Variants in ANKRD12 observed in about 807,000 individuals in gnomAD.
ANKRD12 encodes the protein ankyrin repeat domain 12.
Under a neutral mutation model 183.4 loss-of-function variants are expected in ANKRD12, and 85 were observed. That is an observed-to-expected ratio of 0.46 (90% CI 0.39 to 0.56). The LOEUF (loss-of-function observed/expected upper bound fraction) is 0.56, where lower values mean the gene tolerates loss of function less well. Ranked by LOEUF, ANKRD12 falls within the 20% of genes least tolerant of loss-of-function variation. The pLI, the probability that ANKRD12 is intolerant of heterozygous loss-of-function variation, is 0.00. For missense variants in ANKRD12, 2,405 were observed against 2,357.1 expected, an observed-to-expected ratio of 1.02 and a Z score of -0.42; for synonymous variants, 914 against 800.2, an observed-to-expected ratio of 1.14 and a Z score of -2.40.
At chr18:9,221,720 G>A (rs2036431422) in intron 7 of ANKRD12, 132 bp from the exon 8 acceptor site, 1 of 858,264 alleles carries the variant, frequency 1.2e-6, no homozygotes, top group South Asian at 2.1e-5. Context: ...ACGATTTAGA[G>A]TAGATGGTGA....
intron 1 of ANKRD12, among the ~76,000 whole-genome samples, chr18:9,170,479 C>G (rs1331467176): frequency 6.6e-6 from 1 of 152,188 alleles, no homozygotes; most frequent in Non-Finnish European, 1.5e-5. Flanking sequence ...CACTTATACC[C>G]TTTCTTCCAG....
rs760228587 is a variant in ANKRD12 at position 9,255,862 on chromosome 18, TAAAATA to T, written c.2599_2604del (p.Ile867_Lys868del). 14 of 1,588,146 alleles carry T rather than the reference TAAAATA, an allele frequency of 8.8e-6. No homozygotes were observed. Among genetic ancestry groups the T allele is most frequent in the Middle Eastern group, 3.4e-4 (2 of 5,948 alleles). ...AATTAGATCTTAGTGAATGTGTTGA[TAAAATA>T]AAAGAAAAGGACAAGCTATATTCGC... On this transcript the variant is annotated inframe_deletion, in exon 9 of 13. Transcript: ENST00000262126.
intron 3 of ANKRD12, among the ~76,000 whole-genome samples, chr18:9,199,122 A>G (rs185254627): frequency 3.4e-4 from 52 of 152,116 alleles, no homozygotes; most frequent in African/African-American, 1.2e-3. Flanking sequence ...GTGAGACCCT[A>G]TATCTATAAG....
At chr18:9,150,962 A>AT (rs1555705250) in intron 1 of ANKRD12, among the ~76,000 whole-genome samples, 2 of 99,490 alleles carry the variant, frequency 2.0e-5, no homozygotes, top group Admixed American at 2.3e-4. Flanking sequence ...CAATTTTGTG[A>AT]TTAAAAAAAA....
rs1311930728 is a variant in ANKRD12 at position 9,255,576 on chromosome 18, T to G, written c.2309T>G (p.Leu770Arg). 7 of 1,568,850 alleles carry G rather than the reference T, an allele frequency of 4.5e-6. No individual in the cohort carries two copies. In the Admixed American group the frequency reaches 8.7e-5, roughly 20 times the overall value. Residue 770 changes from leucine (L) to arginine (R), a missense_variant, in exon 9 of 13, where the codon CTA (leucine) becomes CGA (arginine). Leu to Arg is a moderately radical substitution (Grantham distance 102). Transcript: ENST00000262126. ...TTTAGGGAGGAAAAAATAAAAGATC[T>G]AAAAGAAGAGAGAGAAAACATACCC... The part of the protein sequence containing the change: ...KSFREEKIKD[L>R]KEERENIPTD...
intron 1 of ANKRD12, among the ~76,000 whole-genome samples, chr18:9,144,421 A>G (rs149622001): frequency 7.6e-4 from 116 of 152,184 alleles, no homozygotes; most frequent in African/African-American, 2.3e-3. Context: ...TGGGGTGATT[A>G]CTCTTTATGC....
intron 1 of ANKRD12, among the ~76,000 whole-genome samples, chr18:9,176,861 G>T (rs975570083): frequency 6.6e-6 from 1 of 152,046 alleles, no homozygotes; most frequent in African/African-American, 2.4e-5. Flanking sequence ...AGAATACTGG[G>T]TTATTTTGTT....
chr18:9,177,678 T>A (rs2033381908), intron 1 of ANKRD12, among the ~76,000 whole-genome samples: 1 of 152,162 alleles, frequency 6.6e-6, no homozygotes, highest in Non-Finnish European at 1.5e-5. Context: ...ACATTAGAAC[T>A]TATTTCTTCT....
At chr18:9,222,862 G>A (rs2036499034) in intron 8 of ANKRD12, among the ~76,000 whole-genome samples, 1 of 152,060 alleles carries the variant, frequency 6.6e-6, no homozygotes, top group South Asian at 2.1e-4. Context: ...TTTACTTGTT[G>A]AACAAAAATT....
intron 8 of ANKRD12, among the ~76,000 whole-genome samples, chr18:9,234,422 A>G (rs2037229347): frequency 6.6e-6 from 1 of 152,158 alleles, no homozygotes; most frequent in African/African-American, 2.4e-5. Context: ...AGCTGTATGC[A>G]GGGAGCTCTG....
At position 9,255,700 on chromosome 18, in the gene ANKRD12, A is replaced by G; in HGVS notation, c.2433A>G (p.Gln811=). Residue 811 remains glutamine (Q), a synonymous_variant, in exon 9 of 13, where the codon CAA becomes CAG. Transcript: ENST00000262126. ...LVEKEIDIEK[Q]EKHIKESKEK... ...AAAAGGAAATAGACATTGAAAAACA[A>G]GAAAAGCATATAAAGGAAAGTAAAG... 6.3e-7 allele frequency: 1 copy of G among 1,598,242 alleles called. No individual in the cohort carries two copies. The highest frequency in any genetic ancestry group is 8.5e-7 in the Non-Finnish European group (1 of 1,175,996).
chr18:9,228,621 T>C (rs1231758030), intron 8 of ANKRD12, among the ~76,000 whole-genome samples: 1 of 152,158 alleles, frequency 6.6e-6, no homozygotes, highest in Admixed American at 6.5e-5. Flanking sequence ...TTTTGAGAAA[T>C]GTCTTCCAAG....
chr18:9,175,172 T>C (rs1418828598), intron 1 of ANKRD12, among the ~76,000 whole-genome samples: 1 of 152,154 alleles, frequency 6.6e-6, no homozygotes, highest in Non-Finnish European at 1.5e-5. Flanking sequence ...GGCCTGGAAC[T>C]CACTAAATGC....
In ANKRD12 at chr18:9,283,208, C is replaced by G. The variant is rs1033329659; in HGVS notation, c.*2082C>G. On this transcript the variant is annotated 3_prime_UTR_variant, in exon 13 of 13. Transcript: ENST00000262126. ...GGGTAAGTTTATAGGGCATTTTGTT[C>G]TGATGGTTCAACCAGAGGTCTGGGA... 2.2e-4 allele frequency: 34 copies of G among 152,124 alleles called. No homozygotes were observed. Among genetic ancestry groups the G allele is most frequent in the African/African-American group, 8.0e-4 (33 of 41,440 alleles). 9.4% of individuals were successfully genotyped at this position (152,124 alleles called of 1,614,324 possible).
At chr18:9,200,434 C>G (rs969254912) in intron 3 of ANKRD12, 1 of 152,308 alleles carries the variant, frequency 6.6e-6, no homozygotes, top group Non-Finnish European at 1.5e-5. Context: ...AACTGCTTAT[C>G]TAAAAGATAT....
intron 1 of ANKRD12, among the ~76,000 whole-genome samples, chr18:9,139,073 A>G (rs1413487636): frequency 6.6e-6 from 1 of 152,236 alleles, no homozygotes; most frequent in Non-Finnish European, 1.5e-5. Flanking sequence ...AGTTATCGGA[A>G]TAGTTTTATG....
intron 4 of ANKRD12, among the ~76,000 whole-genome samples, chr18:9,206,599 G>A (rs1485921993): frequency 2.0e-5 from 3 of 151,992 alleles, no homozygotes; most frequent in African/African-American, 4.8e-5. Flanking sequence ...TGCAGAATAT[G>A]AACTCAGACA....
At chr18:9,193,610 T>C (rs1330065558) in intron 2 of ANKRD12, among the ~76,000 whole-genome samples, 1 of 152,224 alleles carries the variant, frequency 6.6e-6, no homozygotes, top group Non-Finnish European at 1.5e-5. Flanking sequence ...GAGTCATCTT[T>C]TGGTTTTATT....
chr18:9,285,798 TC>T lies in ANKRD12; in HGVS notation c.*4674del, dbSNP rs1484234262. On this transcript the variant is annotated 3_prime_UTR_variant, in exon 13 of 13. Coordinates refer to ENST00000262126, the MANE Select transcript of ANKRD12 (RefSeq NM_015208.5). ...TCATAGAAATAGAGTCATACATACT[TC>T]CTTGTCTGCCTTGTTTCTCAACATG... 2.6e-5 allele frequency: 4 copies of T among 152,298 alleles called. No homozygotes were observed. The East Asian group carries it at 7.7e-4, about 29-fold the overall frequency. 9.4% of individuals were successfully genotyped at this position (152,298 alleles called of 1,614,324 possible). A position where few individuals can be genotyped will look rare whatever the true frequency, so the allele number is the denominator to read the frequency against.
Sources: gnomAD v4.1 joint callset for allele counts (sites outside exome capture counted in the v4.1 genomes callset) on GRCh38, gnomAD v4.1.1 for gene constraint, MANE v1.5 for transcripts, NCBI Gene and HGNC (gene_info 2026-07-23, HGNC 2026-07-21) for gene names.